The following MECR variants were observed in gnomAD, a reference collection of about 807,000 sequenced individuals.
The protein encoded by MECR is enoyl-[acyl-carrier-protein] reductase, mitochondrial.
MECR carries 37 observed loss-of-function variants against 49.1 expected under a neutral mutation model. The ratio of observed to expected loss-of-function variants is 0.75; its 90% CI spans 0.58 to 0.99. The LOEUF is 0.99. Ranked by LOEUF, MECR falls within the 50% of genes least tolerant of loss-of-function variation. The pLI, the probability that MECR is intolerant of heterozygous loss-of-function variation, is 0.00. For missense variants in MECR, 470 were observed against 479.6 expected (o/e 0.98, Z 0.19); for synonymous variants, 198 against 191.1 (o/e 1.04, Z -0.30).
At chr1:29,223,284 G>C (rs1304353699) in intron 1 of MECR, 1 of 985,344 alleles carries the variant, frequency 1.0e-6, no homozygotes, top group East Asian at 1.1e-4. Flanking sequence ...TGAAGTACAA[G>C]GGAGACAAAA....
intron 3 of MECR, among the ~76,000 whole-genome samples, chr1:29,211,813 C>G (rs1005373632): frequency 2.0e-5 from 3 of 152,206 alleles, no homozygotes; most frequent in Non-Finnish European, 4.4e-5. Context: ...CTATCCACAC[C>G]ATCTGGTCTG....
At chr1:29,226,945 GAACT>G (rs1246740960) in intron 1 of MECR, among the ~76,000 whole-genome samples, 1 of 148,744 alleles carries the variant, frequency 6.7e-6, no homozygotes, top group Non-Finnish European at 1.5e-5. Context: ...GCGTTTCTGG[GAACT>G]ATCTTTTTTT....
At chr1:29,175,910 A>T in the MECR span, among the ~76,000 whole-genome samples, 1 of 152,038 alleles carries the variant, frequency 6.6e-6, no homozygotes, top group African/African-American at 2.4e-5. Context: ...TGCTTTGTAC[A>T]TGCCAGTGCA....
the MECR span, among the ~76,000 whole-genome samples, chr1:29,180,378 TAAAAG>T: frequency 2.0e-5 from 3 of 152,226 alleles, no homozygotes; most frequent in Admixed American, 2.0e-4. Flanking sequence ...CCTTTTACTG[TAAAAG>T]AAATCAGTAC....
Position 29,193,881 on chromosome 1 carries a change from C to T in MECR, c.*141G>A. 9.7e-7 allele frequency: 1 copy of T among 1,027,316 alleles called. No individual in the cohort carries two copies. The highest frequency in any genetic ancestry group is 1.4e-6 in the Non-Finnish European group (1 of 708,102). 63.6% of individuals were successfully genotyped at this position (1,027,316 alleles called of 1,614,324 possible). On this transcript the variant is annotated 3_prime_UTR_variant, in exon 10 of 10. Coordinates refer to ENST00000263702, the MANE Select transcript of MECR (RefSeq NM_016011.5). ...AGGCTGGCCCTGGGGAAAACCGTGG[C>T]TGGCTTCACCATCCTCCTAATAGGA...
chr1:29,215,467 A>G (rs1190348934), intron 3 of MECR, among the ~76,000 whole-genome samples: 2 of 151,942 alleles, frequency 1.3e-5, no homozygotes, highest in African/African-American at 2.4e-5. Flanking sequence ...AATCCCAGCT[A>G]CTCGGGAGGC....
At chr1:29,184,987 A>G in the MECR span, among the ~76,000 whole-genome samples, 2 of 149,592 alleles carry the variant, frequency 1.3e-5, no homozygotes, top group East Asian at 2.1e-4. Context: ...TTAGCCAGAC[A>G]TGGTGGCAGG....
intron 1 of MECR, among the ~76,000 whole-genome samples, chr1:29,226,008 A>C (rs1681946427): frequency 6.6e-6 from 1 of 152,094 alleles, no homozygotes; most frequent in African/African-American, 2.4e-5. Flanking sequence ...GTCTTCACTA[A>C]AAATACAAAA....
chr1:29,183,038 CTTGTTT>C, the MECR span, among the ~76,000 whole-genome samples: 3 of 152,108 alleles, frequency 2.0e-5, no homozygotes, highest in African/African-American at 7.2e-5. Flanking sequence ...TGTTTCTTTG[CTTGTTT>C]TTGTTTTTTG....
At chr1:29,177,551 G>C in the MECR span, among the ~76,000 whole-genome samples, 1 of 152,136 alleles carries the variant, frequency 6.6e-6, no homozygotes. Context: ...CAAAGTGCCG[G>C]GGTTACAGGT....
At chr1:29,174,338 G>C in the MECR span, among the ~76,000 whole-genome samples, 4 of 152,286 alleles carry the variant, frequency 2.6e-5, no homozygotes, top group South Asian at 8.3e-4. Context: ...TCTACTTGCA[G>C]GAATCTGCCC....
the MECR span, chr1:29,168,843 C>CA: frequency 6.6e-6 from 1 of 152,046 alleles, no homozygotes; most frequent in Non-Finnish European, 1.5e-5. Flanking sequence ...ATTAGTTTTG[C>CA]AAGGAATGGT....
At chr1:29,175,220 C>T in the MECR span, among the ~76,000 whole-genome samples, 2 of 149,902 alleles carry the variant, frequency 1.3e-5, no homozygotes, top group Non-Finnish European at 3.0e-5. Flanking sequence ...CAAAACCAGG[C>T]TGGCCAACGT....
downstream of MECR, among the ~76,000 whole-genome samples, chr1:29,188,603 T>C (rs1347576600): frequency 6.6e-6 from 1 of 151,872 alleles, no homozygotes; most frequent in Admixed American, 6.6e-5. Flanking sequence ...GCTGCAGGGC[T>C]TCAGGTGCGC....
chr1:29,220,014 G>A (rs1680372515), intron 1 of MECR, among the ~76,000 whole-genome samples: 1 of 152,080 alleles, frequency 6.6e-6, no homozygotes, highest in Non-Finnish European at 1.5e-5. Flanking sequence ...AGCTCCCAGA[G>A]GGCAGAGAAG....
chr1:29,228,353 CTT>C (rs5773235), intron 1 of MECR, among the ~76,000 whole-genome samples: 3,537 of 134,552 alleles, frequency 0.026, 119 homozygotes, highest in African/African-American at 0.084. Context: ...GTGGAAGTAT[CTT>C]TTTTTTTTTT....
intron 1 of MECR, chr1:29,223,131 C>T: frequency 1.0e-6 from 1 of 985,396 alleles, no homozygotes; most frequent in Non-Finnish European, 1.2e-6. Context: ...CAAATTGCTT[C>T]CCCCATACCG....
chr1:29,220,835 T>C, intron 1 of MECR: 1 of 860,774 alleles, frequency 1.2e-6, no homozygotes, highest in Non-Finnish European at 1.4e-6. Flanking sequence ...TGGTAGTACC[T>C]ACACAGTAGA....
At position 29,192,946 on chromosome 1, in the gene MECR, ATT is replaced by A. The variant is rs35998084; in HGVS notation, c.*1074_*1075del. On this transcript the variant is annotated 3_prime_UTR_variant, in exon 10 of 10. Coordinates refer to ENST00000263702, the MANE Select transcript of MECR (RefSeq NM_016011.5). ...ATGAACATTGAACATTTGGGGCTAG[ATT>A]TTTTTTTTTTTTTTGATATAGGGTC... The A allele has an allele frequency of 1.5e-4, 22 of 144,134 alleles. No individual in the cohort carries two copies. The highest frequency in any genetic ancestry group is 1.4e-4 in the Admixed American group (2 of 14,392). 8.9% of individuals were successfully genotyped at this position (144,134 alleles called of 1,614,324 possible).
Sources: allele counts gnomAD v4.1 joint callset (sites outside exome capture counted in the v4.1 genomes callset), GRCh38; gene constraint gnomAD v4.1.1; transcripts MANE v1.5; gene names NCBI Gene and HGNC (gene_info 2026-07-23, HGNC 2026-07-21).